RHOT1: variants seen among roughly 807,000 people sequenced by gnomAD.
RHOT1 encodes the protein mitochondrial Rho GTPase 1.
In RHOT1, 27 loss-of-function variants were observed where a neutral mutation model predicts 95.3. The observed-to-expected ratio is 0.28, with a 90% confidence interval of 0.21 to 0.39. RHOT1 has a LOEUF of 0.39. Ranked by LOEUF, RHOT1 falls within the 10% of genes least tolerant of loss-of-function variation. The pLI is 1.00. For synonymous variants in RHOT1, 227 were observed against 263.5 expected (o/e 0.86, Z 1.34); for missense variants, 578 against 786.7 (o/e 0.73, Z 3.17).
intron 19 of RHOT1, among the ~76,000 whole-genome samples, chr17:32,224,352 G>GA (rs1361799033): frequency 6.6e-6 from 1 of 152,056 alleles, no homozygotes; most frequent in Non-Finnish European, 1.5e-5. Flanking sequence ...TTTCCTGTGT[G>GA]AAAAAAAGTT....
intron 19 of RHOT1, among the ~76,000 whole-genome samples, chr17:32,223,322 C>G (rs1392201153): frequency 1.3e-5 from 2 of 151,954 alleles, no homozygotes; most frequent in Non-Finnish European, 2.9e-5. Context: ...TTAATGATAT[C>G]TGACTTTTGC....
At chr17:32,152,303 G>T (rs936941290) in intron 1 of RHOT1, among the ~76,000 whole-genome samples, 1 of 152,210 alleles carries the variant, frequency 6.6e-6, no homozygotes, top group Non-Finnish European at 1.5e-5. Context: ...TGCTACACAG[G>T]CAGCCAGAAC....
At chr17:32,209,335 G>GT (rs2037970978) in intron 18 of RHOT1, 2 of 1,446,586 alleles carry the variant, frequency 1.4e-6, no homozygotes, top group Middle Eastern at 1.8e-4. Flanking sequence ...AAACTCTCAT[G>GT]TATGTTATCT....
At chr17:32,224,491 C>A in intron 19 of RHOT1, 125 bp from the exon 20 acceptor site, 1 of 557,470 alleles carries the variant, frequency 1.8e-6, no homozygotes, top group Non-Finnish European at 3.2e-6. Flanking sequence ...TTTTGATAAG[C>A]ATTACTGTAT....
intron 5 of RHOT1, 21 bp from the exon 6 acceptor site, chr17:32,176,140 G>A (rs757068783): frequency 2.1e-5 from 33 of 1,608,290 alleles, no homozygotes; most frequent in East Asian, 8.9e-5. Flanking sequence ...ATGGCTAAGC[G>A]CTTGTTAATT....
At chr17:32,147,575 C>T (rs1439618344) in intron 1 of RHOT1, among the ~76,000 whole-genome samples, 1 of 151,886 alleles carries the variant, frequency 6.6e-6, no homozygotes, top group Non-Finnish European at 1.5e-5. Context: ...TGTAATCCCA[C>T]ACTTTGGGAG....
intron 11 of RHOT1, among the ~76,000 whole-genome samples, chr17:32,198,602 A>G (rs889739583): frequency 6.6e-6 from 1 of 152,154 alleles, no homozygotes; most frequent in African/African-American, 2.4e-5. Context: ...CCAGCTACTC[A>G]AGAGGCTGAG....
intron 5 of RHOT1, 25 bp from the exon 6 acceptor site, chr17:32,176,136 A>G (rs374664854): frequency 7.2e-5 from 115 of 1,607,692 alleles, no homozygotes; most frequent in Admixed American, 4.7e-4. Context: ...TATCATGGCT[A>G]AGCGCTTGTT....
chr17:32,222,324 T>G (rs2038885295), intron 19 of RHOT1, among the ~76,000 whole-genome samples: 1 of 152,244 alleles, frequency 6.6e-6, no homozygotes, highest in African/African-American at 2.4e-5. Context: ...TTTGTAGTTT[T>G]TGATAACCCA....
intron 2 of RHOT1, among the ~76,000 whole-genome samples, chr17:32,173,604 T>G (rs2034750087): frequency 6.6e-6 from 1 of 151,466 alleles, no homozygotes; most frequent in African/African-American, 2.4e-5. Flanking sequence ...TCCCAGCTAC[T>G]CGGGAGGCTG....
At chr17:32,224,297 G>GT (rs1387885877) in intron 19 of RHOT1, among the ~76,000 whole-genome samples, 2 of 152,092 alleles carry the variant, frequency 1.3e-5, no homozygotes, top group Non-Finnish European at 2.9e-5. Context: ...TTGAACAACC[G>GT]TAACGGTATT....
At chr17:32,144,148 G>A (rs1227626861) in intron 1 of RHOT1, among the ~76,000 whole-genome samples, 1 of 152,224 alleles carries the variant, frequency 6.6e-6, no homozygotes, top group Non-Finnish European at 1.5e-5. Context: ...TAGGGAAAGT[G>A]AGTAGACGAC....
At chr17:32,165,886 T>C (rs1296380536) in intron 1 of RHOT1, among the ~76,000 whole-genome samples, 2 of 152,020 alleles carry the variant, frequency 1.3e-5, no homozygotes, top group Non-Finnish European at 2.9e-5. Flanking sequence ...CCAGTGCATA[T>C]AAAAGTTATG....
intron 8 of RHOT1, among the ~76,000 whole-genome samples, chr17:32,185,251 T>C (rs995605110): frequency 6.6e-6 from 1 of 152,130 alleles, no homozygotes; most frequent in Non-Finnish European, 1.5e-5. Context: ...GCTGGAATGA[T>C]AGGCATGCGC....
chr17:32,168,966 G>A (rs1350166760), intron 1 of RHOT1, among the ~76,000 whole-genome samples: 1 of 152,186 alleles, frequency 6.6e-6, no homozygotes, highest in Non-Finnish European at 1.5e-5. Context: ...TCAGTGAAAT[G>A]TGACCTGTGG....
rs1567703648 is a variant in RHOT1 at position 32,194,115 on chromosome 17, C to T, written c.869+8C>T. On this transcript the variant is annotated splice_region_variant and intron_variant, in intron 11 of 19. Coordinates refer to ENST00000545287, the MANE Select transcript of RHOT1 (RefSeq NM_001033566.3). ...TGAATATTTGTTCCCCCTGTATGTACCTTTGTTTTTTTTGTTGTTGTTGTT... is the reference window on the plus strand; with the variant it reads ...TGAATATTTGTTCCCCCTGTATGTATCTTTGTTTTTTTTGTTGTTGTTGTT... The T allele has an allele frequency of 1.9e-6, 3 of 1,609,178 alleles. No individual in the cohort carries two copies. Among genetic ancestry groups the T allele is most frequent in the Non-Finnish European group, 1.7e-6 (2 of 1,178,358 alleles).
At chr17:32,201,092 G>A in intron 14 of RHOT1, 36 bp downstream of exon 14, 1 of 1,302,140 alleles carries the variant, frequency 7.7e-7, no homozygotes, top group Non-Finnish European at 1.1e-6. Flanking sequence ...CATGATTAGA[G>A]ATATTTTTTA....
intron 1 of RHOT1, among the ~76,000 whole-genome samples, chr17:32,149,633 A>ATGTGTGTGTGTGTGTGTGTG (rs1233010217): frequency 4.9e-5 from 4 of 81,280 alleles, no homozygotes; most frequent in Non-Finnish European, 1.0e-4. Context: ...ATATATATAT[A>ATGTGTGTGTGTGTGTGTGTG]TATGTGTGTG....
chr17:32,172,237 T>TC (rs2034636660), intron 2 of RHOT1, among the ~76,000 whole-genome samples: 2 of 152,352 alleles, frequency 1.3e-5, no homozygotes, highest in Non-Finnish European at 2.9e-5. Flanking sequence ...TTGCTTTTTT[T>TC]CTCTTAGACA....
Sources: allele counts gnomAD v4.1 joint callset (sites outside exome capture counted in the v4.1 genomes callset), GRCh38; gene constraint gnomAD v4.1.1; transcripts MANE v1.5; gene names NCBI Gene and HGNC (gene_info 2026-07-23, HGNC 2026-07-21).